Variants in ESRRG observed in about 807,000 individuals in gnomAD.
ESRRG encodes estrogen-related receptor gamma.
In ESRRG, 13 loss-of-function variants were observed where a neutral mutation model predicts 44.0. That is an observed-to-expected ratio of 0.30 (90% CI 0.19 to 0.47). The LOEUF (loss-of-function observed/expected upper bound fraction) is 0.47. Ranked by LOEUF, ESRRG falls within the 20% of genes least tolerant of loss-of-function variation. ESRRG has a pLI of 1.00. For missense variants in ESRRG, 395 were observed against 580.6 expected (o/e 0.68, Z 3.29); for synonymous variants, 215 against 214.6 (o/e 1.00, Z -0.02).
intron 2 of ESRRG, among the ~76,000 whole-genome samples, chr1:216,652,936 A>C (rs2069374434): frequency 6.6e-6 from 1 of 152,106 alleles, no homozygotes; most frequent in South Asian, 2.1e-4. Flanking sequence ...CTGTCTTAGG[A>C]AGGACTGAAC....
intron 1 of ESRRG, among the ~76,000 whole-genome samples, chr1:217,009,484 A>C (rs1175892354): frequency 6.6e-6 from 1 of 152,178 alleles, no homozygotes; most frequent in East Asian, 1.9e-4. Context: ...GTAAACAATC[A>C]TAAACAATTA....
At chr1:216,702,230 G>A (rs1477874264) in intron 1 of ESRRG, among the ~76,000 whole-genome samples, 2 of 151,970 alleles carry the variant, frequency 1.3e-5, no homozygotes, top group Non-Finnish European at 2.9e-5. Flanking sequence ...TGATGAAAAC[G>A]CTGATCAAAT....
rs116473363 is a variant in ESRRG at position 216,992,243 on chromosome 1, T to G, written c.-105-52570A>C. On this transcript the variant is annotated intron_variant, in intron 1 of 7. Coordinates refer to the ESRRG transcript ENST00000359162. Reference sequence around the variant, plus strand: ...ATTTAACTACTTATGACATGAGATTTTGAAAGCTTTTTGAAAGTCTTATTC... The same window carrying G: ...ATTTAACTACTTATGACATGAGATTGTGAAAGCTTTTTGAAAGTCTTATTC... Among the ~76,000 whole-genome samples, 667 of 152,340 alleles carry G rather than the reference T, an allele frequency of 4.4e-3. 3 individuals are homozygous for G. The highest frequency in any genetic ancestry group is 0.015 in the African/African-American group (625 of 41,574).
chr1:216,679,307 G>A (rs1176454266), intron 1 of ESRRG, among the ~76,000 whole-genome samples: 2 of 152,196 alleles, frequency 1.3e-5, no homozygotes, highest in Middle Eastern at 3.4e-3. Flanking sequence ...TTAATAGATC[G>A]CTCTCCTTGT....
chr1:216,709,982 T>G (rs746609693), intron 1 of ESRRG, among the ~76,000 whole-genome samples: 52 of 152,172 alleles, frequency 3.4e-4, no homozygotes, highest in Non-Finnish European at 7.2e-4. Context: ...TAGAAGAATT[T>G]TCTGCATGTG....
chr1:216,632,723 A>AT (rs947364593), intron 3 of ESRRG, among the ~76,000 whole-genome samples: 16 of 151,280 alleles, frequency 1.1e-4, no homozygotes, highest in South Asian at 2.1e-4. Flanking sequence ...AGGTTTTTTT[A>AT]TTTTTTTTTA....
chr1:216,527,357 C>T (rs2047976688), intron 5 of ESRRG, among the ~76,000 whole-genome samples: 1 of 152,060 alleles, frequency 6.6e-6, no homozygotes. Flanking sequence ...TTCTTTCTTC[C>T]ATCCTACCCA....
At chr1:216,616,935 A>C (rs925304109) in intron 3 of ESRRG, among the ~76,000 whole-genome samples, 2 of 152,152 alleles carry the variant, frequency 1.3e-5, no homozygotes, top group African/African-American at 4.8e-5. Flanking sequence ...CCCCCATAGG[A>C]ATCTCCTGTC....
chr1:216,618,519 A>G lies in ESRRG; in HGVS notation c.589+32454T>C, dbSNP rs183753787. Among the ~76,000 whole-genome samples the G allele has an allele frequency of 2.4e-3, 371 of 152,344 alleles. 1 individual carries two copies. The highest frequency in any genetic ancestry group is 8.5e-3 in the African/African-American group (352 of 41,580). On this transcript the variant is annotated intron_variant, in intron 3 of 6. Coordinates refer to ENST00000408911, the MANE Select transcript of ESRRG (RefSeq NM_001438.4). ...CTACCTAATTTACATATATATAAAT[A>G]AGTAATATGTATATAACGATTCAGA... is the stretch of plus-strand genomic sequence containing the variant.
intron 1 of ESRRG, among the ~76,000 whole-genome samples, chr1:217,123,604 G>A (rs959273345): frequency 6.6e-6 from 1 of 152,088 alleles, no homozygotes; most frequent in African/African-American, 2.4e-5. Flanking sequence ...TCCTTCGCAG[G>A]GGCATGGATG....
chr1:216,520,581 G>A (rs1464300076), intron 5 of ESRRG, among the ~76,000 whole-genome samples: 1 of 152,108 alleles, frequency 6.6e-6, no homozygotes, highest in African/African-American at 2.4e-5. Context: ...GATACCTGAT[G>A]ATCAGAAGCT....
At chr1:217,127,943 G>A (rs1308088118) in intron 1 of ESRRG, among the ~76,000 whole-genome samples, 1 of 152,148 alleles carries the variant, frequency 6.6e-6, no homozygotes, top group Non-Finnish European at 1.5e-5. Flanking sequence ...ATCAGATAAA[G>A]GTGTTATTCT....
At chr1:216,941,964 A>G (rs2065298419) in intron 1 of ESRRG, among the ~76,000 whole-genome samples, 1 of 152,038 alleles carries the variant, frequency 6.6e-6, no homozygotes, top group Non-Finnish European at 1.5e-5. Flanking sequence ...GTTTGCTACA[A>G]GAGTATATTC....
intron 2 of ESRRG, among the ~76,000 whole-genome samples, chr1:216,922,321 A>G (rs187316151): frequency 7.2e-5 from 11 of 152,330 alleles, no homozygotes; most frequent in Non-Finnish European, 1.3e-4. Flanking sequence ...ACTAAAGGCA[A>G]CTTTCAGCCA....
chr1:216,755,123 T>C (rs2092364869), intron 2 of ESRRG, among the ~76,000 whole-genome samples: 1 of 152,032 alleles, frequency 6.6e-6, no homozygotes, highest in African/African-American at 2.4e-5. Context: ...CAATTCATGA[T>C]TTTATCACAT....
intron 1 of ESRRG, among the ~76,000 whole-genome samples, chr1:216,945,081 T>C (rs1266748643): frequency 6.6e-6 from 1 of 152,138 alleles, no homozygotes; most frequent in Non-Finnish European, 1.5e-5. Flanking sequence ...GCTCCCCCTA[T>C]CTTTAATAAA....
At chr1:216,970,053 C>A (rs1229985047) in intron 1 of ESRRG, among the ~76,000 whole-genome samples, 1 of 152,096 alleles carries the variant, frequency 6.6e-6, no homozygotes, top group Non-Finnish European at 1.5e-5. Flanking sequence ...ATTCAAATTT[C>A]TCCCTTCCTC....
chr1:216,846,484 T>C (rs776743541), intron 2 of ESRRG, among the ~76,000 whole-genome samples: 19 of 152,132 alleles, frequency 1.2e-4, no homozygotes, highest in Non-Finnish European at 2.2e-4. Context: ...TGTAGTTAGA[T>C]ACAATGAGTA....
At chr1:217,051,998 T>A (rs1580124107) in intron 1 of ESRRG, among the ~76,000 whole-genome samples, 1 of 152,220 alleles carries the variant, frequency 6.6e-6, no homozygotes, top group East Asian at 1.9e-4. Context: ...CTCAAACTCC[T>A]GGGCTCAAGC....
Sources: allele counts gnomAD v4.1 joint callset (sites outside exome capture counted in the v4.1 genomes callset), GRCh38; gene constraint gnomAD v4.1.1; transcripts MANE v1.5; gene names NCBI Gene and HGNC (gene_info 2026-07-23, HGNC 2026-07-21).